The following ADGRB3 variants were observed in gnomAD, a reference collection of about 807,000 sequenced individuals.
ADGRB3 encodes the protein adhesion G protein-coupled receptor B3, also known as brain-specific angiogenesis inhibitor 3.
Under a neutral mutation model 193.4 loss-of-function variants are expected in ADGRB3, and 37 were observed. The ratio of observed to expected loss-of-function variants is 0.19; its 90% CI spans 0.15 to 0.25. The LOEUF is 0.25. ADGRB3 is among the 10% of genes least tolerant of loss of function. The pLI is 1.00. For synonymous variants in ADGRB3, 690 were observed against 644.2 expected (o/e 1.07, Z -1.08); for missense variants, 1,637 against 1,852.9 (o/e 0.88, Z 2.14).
intron 3 of ADGRB3, among the ~76,000 whole-genome samples, chr6:68,643,730 A>C (rs539417873): frequency 6.6e-6 from 1 of 151,820 alleles, no homozygotes; most frequent in Non-Finnish European, 1.5e-5. Flanking sequence ...TCAGGACTTC[A>C]AGACCAGCCT....
chr6:69,092,610 A>G (rs10455681), intron 17 of ADGRB3, among the ~76,000 whole-genome samples: 26,493 of 152,210 alleles, frequency 0.17, 4,218 homozygotes, highest in East Asian at 0.81. Flanking sequence ...GAGGACATAC[A>G]TATTAATAAA....
intron 3 of ADGRB3, among the ~76,000 whole-genome samples, chr6:68,703,558 T>G (rs1455757119): frequency 1.3e-5 from 2 of 152,140 alleles, no homozygotes; most frequent in East Asian, 1.9e-4. Flanking sequence ...TTTCAAAGAT[T>G]TAATTCATAT....
At chr6:68,976,633 C>G (rs1336855662) in intron 10 of ADGRB3, among the ~76,000 whole-genome samples, 1 of 151,758 alleles carries the variant, frequency 6.6e-6, no homozygotes, top group African/African-American at 2.4e-5. Flanking sequence ...ATAAAGTAAG[C>G]TAGAGAAAAG....
intron 29 of ADGRB3, among the ~76,000 whole-genome samples, chr6:69,365,357 A>G (rs1025209556): frequency 1.3e-5 from 2 of 152,060 alleles, no homozygotes; most frequent in African/African-American, 2.4e-5. Flanking sequence ...AGTATATGCC[A>G]GGTGCTGCAA....
At chr6:68,764,689 T>G (rs1339893644) in intron 3 of ADGRB3, among the ~76,000 whole-genome samples, 1 of 152,196 alleles carries the variant, frequency 6.6e-6, no homozygotes, top group Admixed American at 6.5e-5. Context: ...AAAATTATAT[T>G]CTTTTTTATT....
At chr6:68,831,271 G>A (rs1429856377) in intron 3 of ADGRB3, among the ~76,000 whole-genome samples, 2 of 149,194 alleles carry the variant, frequency 1.3e-5, no homozygotes, top group East Asian at 2.0e-4. Context: ...CTTAGGCGGC[G>A]GGAAAATGGT....
intron 17 of ADGRB3, among the ~76,000 whole-genome samples, chr6:69,225,394 C>G (rs1765987594): frequency 6.6e-6 from 1 of 152,078 alleles, no homozygotes; most frequent in Non-Finnish European, 1.5e-5. Flanking sequence ...TACTAGTTTT[C>G]TTTCACCATT....
intron 20 of ADGRB3, among the ~76,000 whole-genome samples, chr6:69,316,377 A>C (rs1416313803): frequency 6.6e-6 from 1 of 151,538 alleles, no homozygotes; most frequent in Non-Finnish European, 1.5e-5. Context: ...TAACATTAGA[A>C]AAGGAAAAAT....
In ADGRB3 at chr6:68,968,561, C is replaced by T. The variant is rs73465391; in HGVS notation, c.1526-6202C>T. Among the ~76,000 whole-genome samples the T allele has an allele frequency of 8.0e-3, 1,207 of 151,780 alleles. 10 individuals are homozygous for T. The highest frequency in any genetic ancestry group is 0.025 in the African/African-American group (1,044 of 41,354). On this transcript the variant is annotated intron_variant, in intron 8 of 31. Transcript: ENST00000370598. ...AACCAAAAAGATAGTACAAGTGAAG[C>T]AAAAGTGAAAGATTATAAATGAAGA...
chr6:69,196,899 G>T (rs548085549), intron 17 of ADGRB3, among the ~76,000 whole-genome samples: 1 of 152,086 alleles, frequency 6.6e-6, no homozygotes, highest in African/African-American at 2.4e-5. Flanking sequence ...ACAGGCATTA[G>T]GGTCAGACAT....
At chr6:68,946,391 C>T (rs1290847453) in intron 6 of ADGRB3, among the ~76,000 whole-genome samples, 1 of 152,062 alleles carries the variant, frequency 6.6e-6, no homozygotes, top group Non-Finnish European at 1.5e-5. Flanking sequence ...TATATAGTCC[C>T]TGATTTCAAA....
intron 10 of ADGRB3, among the ~76,000 whole-genome samples, chr6:68,991,683 A>G (rs1769242819): frequency 6.6e-6 from 1 of 152,112 alleles, no homozygotes; most frequent in South Asian, 2.1e-4. Flanking sequence ...GGAACGGGGA[A>G]GAACTCCGCA....
chr6:69,388,934 C>CT lies in ADGRB3; in HGVS notation c.*44dup. 1 of 1,563,946 alleles carries CT rather than the reference C, an allele frequency of 6.4e-7. No homozygotes were observed. Among genetic ancestry groups the CT allele is most frequent in the Non-Finnish European group, 8.7e-7 (1 of 1,150,906 alleles). On this transcript the variant is annotated 3_prime_UTR_variant, in exon 32 of 32. Transcript: ENST00000370598. ...AAGGTAGAGACAAAACTTTATTGCA[C>CT]TGACACTTAAGACTTGGGAAGCCTG...
intron 3 of ADGRB3, among the ~76,000 whole-genome samples, chr6:68,804,114 A>G (rs1425307777): frequency 6.6e-6 from 1 of 152,160 alleles, no homozygotes; most frequent in East Asian, 1.9e-4. Context: ...GTAGCTTCCC[A>G]TTGCCTGTGA....
intron 15 of ADGRB3, among the ~76,000 whole-genome samples, chr6:69,060,080 C>T (rs7761948): frequency 0.24 from 36,651 of 151,910 alleles, 4,711 homozygotes; most frequent in African/African-American, 0.27. Context: ...CACAAGGTGT[C>T]AGGGATTCAC....
chr6:68,736,486 T>G (rs1041963322), intron 3 of ADGRB3, among the ~76,000 whole-genome samples: 2 of 152,140 alleles, frequency 1.3e-5, no homozygotes, highest in Admixed American at 6.6e-5. Flanking sequence ...TAATTAGACT[T>G]AATTAAATGC....
intron 30 of ADGRB3, among the ~76,000 whole-genome samples, chr6:69,377,187 C>G (rs1769843962): frequency 6.6e-6 from 1 of 151,946 alleles, no homozygotes; most frequent in Non-Finnish European, 1.5e-5. Context: ...ATTCAACAAC[C>G]TACTCTGGAG....
chr6:68,726,238 A>T (rs557569204), intron 3 of ADGRB3, among the ~76,000 whole-genome samples: 93 of 151,732 alleles, frequency 6.1e-4, no homozygotes, highest in African/African-American at 2.1e-3. Flanking sequence ...CCTGTGTAAA[A>T]ACTCACTTAT....
At chr6:68,913,436 C>G (rs1325471082) in intron 3 of ADGRB3, among the ~76,000 whole-genome samples, 1 of 152,228 alleles carries the variant, frequency 6.6e-6, no homozygotes, top group Non-Finnish European at 1.5e-5. Context: ...CAGACAGGGT[C>G]TGGAGTGGAC....
Sources: gnomAD v4.1 joint callset for allele counts (sites outside exome capture counted in the v4.1 genomes callset) on GRCh38, gnomAD v4.1.1 for gene constraint, MANE v1.5 for transcripts, NCBI Gene and HGNC (gene_info 2026-07-23, HGNC 2026-07-21) for gene names.